The following TENM3 variants were observed in gnomAD, a reference collection of about 807,000 sequenced individuals.
TENM3 encodes the protein teneurin transmembrane protein 3, also known as teneurin-3.
Under a neutral mutation model 255.1 loss-of-function variants are expected in TENM3, and 63 were observed. That is an observed-to-expected ratio of 0.25 (90% CI 0.20 to 0.30). TENM3 has a LOEUF of 0.30. Among genes scored for constraint, TENM3 ranks in the 10% least tolerant of loss-of-function variants. TENM3 has a pLI of 1.00. For missense variants in TENM3, 2,929 were observed against 3,461.1 expected (o/e 0.85, Z 3.86); for synonymous variants, 1,306 against 1,322.3 (o/e 0.99, Z 0.27).
chr4:182,642,380 G>A (rs1300477337), intron 5 of TENM3, among the ~76,000 whole-genome samples: 1 of 152,208 alleles, frequency 6.6e-6, no homozygotes, highest in African/African-American at 2.4e-5. Context: ...TCTGGAATTA[G>A]CATTTCCTGA....
the TENM3 span, among the ~76,000 whole-genome samples, chr4:181,825,837 T>TAAA: frequency 3.3e-5 from 5 of 152,208 alleles, no homozygotes; most frequent in Admixed American, 6.5e-5. Flanking sequence ...TAGAAATGGC[T>TAAA]TAAACAGACT....
chr4:182,711,313 A>T (rs1758733673), intron 12 of TENM3, among the ~76,000 whole-genome samples: 1 of 152,188 alleles, frequency 6.6e-6, no homozygotes, highest in South Asian at 2.1e-4. Context: ...ACGAGAGTGG[A>T]GTGCATTCCA....
the TENM3 span, chr4:181,834,886 T>C: frequency 6.6e-6 from 1 of 152,182 alleles, no homozygotes; most frequent in Non-Finnish European, 1.5e-5. Context: ...TCCTAGTAGG[T>C]TCAGAAAAAC....
the TENM3 span, among the ~76,000 whole-genome samples, chr4:181,673,479 C>A: frequency 2.0e-5 from 3 of 151,976 alleles, no homozygotes; most frequent in Non-Finnish European, 2.9e-5. Context: ...AAATTTTAAG[C>A]AATTTTATCA....
intron 12 of TENM3, among the ~76,000 whole-genome samples, chr4:182,699,147 T>G (rs942508709): frequency 1.2e-4 from 19 of 152,336 alleles, no homozygotes; most frequent in African/African-American, 4.6e-4. Flanking sequence ...CCTCCTGTGG[T>G]CTAACTTGAG....
At chr4:181,944,011 A>G in the TENM3 span, among the ~76,000 whole-genome samples, 4 of 152,048 alleles carry the variant, frequency 2.6e-5, no homozygotes, top group African/African-American at 9.7e-5. Flanking sequence ...ATCCCACAGA[A>G]CTGGTTTTGT....
the TENM3 span, chr4:181,819,997 A>C: frequency 6.6e-6 from 1 of 152,204 alleles, no homozygotes; most frequent in African/African-American, 2.4e-5. Context: ...AAAAAAAAAA[A>C]AAATCCATTA....
the TENM3 span, among the ~76,000 whole-genome samples, chr4:181,594,021 T>C: frequency 6.6e-6 from 1 of 150,528 alleles, no homozygotes; most frequent in African/African-American, 2.4e-5. Flanking sequence ...ATGAAATTGG[T>C]GGTGGCTGCT....
chr4:181,998,464 G>C, the TENM3 span, among the ~76,000 whole-genome samples: 1 of 152,046 alleles, frequency 6.6e-6, no homozygotes, highest in Non-Finnish European at 1.5e-5. Flanking sequence ...TGTTTCCCCC[G>C]TACCCTAGCC....
chr4:181,577,032 A>C, the TENM3 span, among the ~76,000 whole-genome samples: 2 of 130,476 alleles, frequency 1.5e-5, no homozygotes, highest in Non-Finnish European at 3.2e-5. Context: ...AATATGCAAT[A>C]TATATTTTAT....
At chr4:182,428,240 G>A (rs1771378018) in intron 3 of TENM3, among the ~76,000 whole-genome samples, 1 of 152,052 alleles carries the variant, frequency 6.6e-6, no homozygotes, top group African/African-American at 2.4e-5. Context: ...TTATTATAAA[G>A]GTACTTGGCA....
intron 3 of TENM3, among the ~76,000 whole-genome samples, chr4:182,399,717 C>A (rs1413169950): frequency 6.6e-6 from 1 of 152,156 alleles, no homozygotes; most frequent in Non-Finnish European, 1.5e-5. Flanking sequence ...GAAAAACATA[C>A]CCCAAACTGC....
At chr4:181,804,614 C>G in the TENM3 span, among the ~76,000 whole-genome samples, 1 of 152,030 alleles carries the variant, frequency 6.6e-6, no homozygotes, top group South Asian at 2.1e-4. Context: ...AAAGGCAATT[C>G]CAGGTGGTTG....
intron 3 of TENM3, among the ~76,000 whole-genome samples, chr4:182,524,001 GA>G: frequency 6.6e-6 from 1 of 151,640 alleles, no homozygotes; most frequent in African/African-American, 2.4e-5. Context: ...TTTTCCGTAG[GA>G]AAAAAAAGAG....
At chr4:181,569,955 A>G in the TENM3 span, among the ~76,000 whole-genome samples, 2 of 151,740 alleles carry the variant, frequency 1.3e-5, no homozygotes, top group Non-Finnish European at 2.9e-5. Context: ...GACTTTGTAG[A>G]GTTAGGAGGT....
At chr4:181,867,299 C>CT in the TENM3 span, among the ~76,000 whole-genome samples, 1 of 152,096 alleles carries the variant, frequency 6.6e-6, no homozygotes, top group East Asian at 1.9e-4. Context: ...AACTCTGCAG[C>CT]TTGGTCATTT....
At chr4:181,924,675 G>A in the TENM3 span, among the ~76,000 whole-genome samples, 1 of 151,958 alleles carries the variant, frequency 6.6e-6, no homozygotes, top group African/African-American at 2.4e-5. Flanking sequence ...TTTTAAATAA[G>A]CTTCATCAAC....
intron 12 of TENM3, among the ~76,000 whole-genome samples, chr4:182,708,966 T>TG (rs1318733851): frequency 2.0e-5 from 3 of 149,044 alleles, no homozygotes; most frequent in South Asian, 2.2e-4. Flanking sequence ...TAGAAAGCAG[T>TG]GGGTTTTTTT....
chr4:182,098,096 T>C, the TENM3 span, among the ~76,000 whole-genome samples: 1 of 152,184 alleles, frequency 6.6e-6, no homozygotes, highest in Non-Finnish European at 1.5e-5. Context: ...TCAACATTAC[T>C]AATCATCAGA....
Sources: gnomAD v4.1 joint callset for allele counts (sites outside exome capture counted in the v4.1 genomes callset) on GRCh38, gnomAD v4.1.1 for gene constraint, MANE v1.5 for transcripts, NCBI Gene and HGNC (gene_info 2026-07-23, HGNC 2026-07-21) for gene names.